Variants in MYH10 observed in about 807,000 individuals in gnomAD.
MYH10 encodes the protein myosin heavy chain 10, also known as myosin-10.
MYH10 carries 55 observed loss-of-function variants against 257.8 expected under a neutral mutation model. The ratio of observed to expected loss-of-function variants is 0.21; its 90% CI spans 0.17 to 0.27. MYH10 has a LOEUF of 0.27. MYH10 is among the 10% of genes least tolerant of loss of function. The probability of loss-of-function intolerance (pLI) is 1.00; values close to 1 mark genes in which losing one functional copy is unlikely to be tolerated. For missense variants in MYH10, 1,631 were observed against 2,500.6 expected, an observed-to-expected ratio of 0.65 and a Z score of 7.42; for synonymous variants, 854 against 921.7, an observed-to-expected ratio of 0.93 and a Z score of 1.33.
intron 6 of MYH10, among the ~76,000 whole-genome samples, chr17:8,573,050 A>G (rs2083399377): frequency 6.6e-6 from 1 of 152,242 alleles, no homozygotes; most frequent in Non-Finnish European, 1.5e-5. Flanking sequence ...TTTGGAATGT[A>G]GAAAACAAGC....
At chr17:8,541,740 C>T (rs909575691) in intron 14 of MYH10, among the ~76,000 whole-genome samples, 18 of 152,098 alleles carry the variant, frequency 1.2e-4, no homozygotes, top group African/African-American at 2.2e-4. Flanking sequence ...AATGGATTTA[C>T]GTGACACGTC....
At chr17:8,586,921 A>G (rs1597901690) in intron 4 of MYH10, among the ~76,000 whole-genome samples, 1 of 152,188 alleles carries the variant, frequency 6.6e-6, no homozygotes, top group African/African-American at 2.4e-5. Flanking sequence ...TAATGGCTCC[A>G]ATTGTTTCAT....
Position 8,627,345 on chromosome 17 carries a change from C to A in MYH10, c.-32+3309G>T, listed in dbSNP as rs2085722479. ...TCAATATTTACGTGAATGGTCCCAA[C>A]CCTCATAGTGAAATTCAACTTCTCC... On this transcript the variant is annotated intron_variant, in intron 1 of 42. Transcript: ENST00000360416. Among the ~76,000 whole-genome samples, 6 of 152,116 alleles carry A rather than the reference C, an allele frequency of 3.9e-5. No individual in the cohort carries two copies. In the South Asian group the frequency reaches 1.0e-3, roughly 26 times the overall value.
At chr17:8,491,945 A>ATGTT (rs1419479382) in intron 34 of MYH10, among the ~76,000 whole-genome samples, 1 of 152,092 alleles carries the variant, frequency 6.6e-6, no homozygotes, top group Non-Finnish European at 1.5e-5. Context: ...CCAGGTCCCC[A>ATGTT]CTCACCTCAT....
chr17:8,617,449 C>A (rs1022647584), intron 2 of MYH10, among the ~76,000 whole-genome samples: 2 of 152,160 alleles, frequency 1.3e-5, no homozygotes, highest in Admixed American at 6.5e-5. Context: ...ATTTTTTAAA[C>A]CCTACCCACA....
At position 8,475,455 on chromosome 17, in the gene MYH10, C is replaced by T. The variant is rs1567755506; in HGVS notation, c.*349G>A. 4.7e-5 allele frequency: 10 copies of T among 212,560 alleles called. No individual in the cohort carries two copies. In the South Asian group the frequency reaches 7.4e-4, roughly 16 times the overall value. 13.2% of individuals were successfully genotyped at this position (212,560 alleles called of 1,614,324 possible). ...ATGCAGAGCGACTGAGTGACGACCA[C>T]GGCGCTGCCCCAATAACCCAGCGAC... On this transcript the variant is annotated 3_prime_UTR_variant, in exon 43 of 43. Coordinates refer to ENST00000360416, the MANE Select transcript of MYH10 (RefSeq NM_001256012.3).
chr17:8,477,132 G>A lies in MYH10; in HGVS notation c.5707-84C>T. The A allele has an allele frequency of 6.7e-7, 1 of 1,484,992 alleles. No individual in the cohort carries two copies. The highest frequency in any genetic ancestry group is 9.2e-7 in the Non-Finnish European group (1 of 1,081,578). 92.0% of individuals were successfully genotyped at this position (1,484,992 alleles called of 1,614,324 possible). A position where few individuals can be genotyped will look rare whatever the true frequency, so the allele number is the denominator to read the frequency against. Reference sequence around the variant, plus strand: ...CTGTACCCCGAGCGTGGCAGTGTGGGGCTCTGCCTGTTACCCTTGTGAGCA... The same window carrying A: ...CTGTACCCCGAGCGTGGCAGTGTGGAGCTCTGCCTGTTACCCTTGTGAGCA... On this transcript the variant is annotated intron_variant, in intron 41 of 42. Transcript: ENST00000360416. The surrounding 1 kb of genome is among the most constrained non-coding windows in gnomAD (Gnocchi z 4.2).
At chr17:8,492,654 C>G in intron 33 of MYH10, 122 bp downstream of exon 33, 5 of 1,047,174 alleles carry the variant, frequency 4.8e-6, no homozygotes, top group Non-Finnish European at 6.4e-6. Context: ...TTTTTGCTTT[C>G]CCTTTTTCCA....
chr17:8,626,511 G>A (rs769483973), intron 1 of MYH10, among the ~76,000 whole-genome samples: 3 of 150,980 alleles, frequency 2.0e-5, no homozygotes, highest in Non-Finnish European at 4.4e-5. Flanking sequence ...AGGTTGTAGT[G>A]AGCTGAAATC....
At chr17:8,608,540 G>GCAC (rs1434981902) in intron 2 of MYH10, among the ~76,000 whole-genome samples, 2 of 152,334 alleles carry the variant, frequency 1.3e-5, no homozygotes, top group African/African-American at 4.8e-5. Flanking sequence ...GTGGTATGGT[G>GCAC]GGTGAGCCAA....
Position 8,577,480 on chromosome 17 carries a change from T to C in MYH10, c.531-142A>G, listed in dbSNP as rs553119351. 8 of 487,316 alleles carry C rather than the reference T, an allele frequency of 1.6e-5. No individual in the cohort carries two copies. The Admixed American group carries it at 2.6e-4, about 16-fold the overall frequency. 30.2% of individuals were successfully genotyped at this position (487,316 alleles called of 1,614,324 possible). The stretch of plus-strand genomic sequence containing the variant: ...AAATAGAAAAAATAACTATCAGCAG[T>C]AGTTAGAAAAGAAAATCATCCTTGT... On this transcript the variant is annotated intron_variant, in intron 4 of 42. Transcript: ENST00000360416.
chr17:8,554,104 T>C, intron 7 of MYH10, 86 bp from the exon 8 acceptor site: 1 of 919,440 alleles, frequency 1.1e-6, no homozygotes, highest in Non-Finnish European at 1.7e-6. Context: ...ACAACAAGTA[T>C]CCATGAATTA....
chr17:8,610,566 T>A (rs1225816874), intron 2 of MYH10, among the ~76,000 whole-genome samples: 1 of 152,178 alleles, frequency 6.6e-6, no homozygotes, highest in Non-Finnish European at 1.5e-5. Context: ...AGTGCAACAA[T>A]GTTGGGAGGT....
chr17:8,552,225 TA>T lies in MYH10; in HGVS notation c.821-82del. ...GGCCCTCTTTCAGCGTCTGTAAATT[TA>T]AATCATAAAACATCTTCTTTCTCTG... On this transcript the variant is annotated intron_variant, in intron 8 of 42. Transcript: ENST00000360416. The surrounding 1 kb of genome is among the most constrained non-coding windows in gnomAD (Gnocchi z 4.8). 1 of 596,918 alleles carries T rather than the reference TA, an allele frequency of 1.7e-6. No homozygotes were observed. Among genetic ancestry groups the T allele is most frequent in the South Asian group, 4.8e-5 (1 of 20,746 alleles). 37.0% of individuals were successfully genotyped at this position (596,918 alleles called of 1,614,324 possible).
At chr17:8,531,276 T>C (rs2081996822) in intron 16 of MYH10, among the ~76,000 whole-genome samples, 2 of 152,168 alleles carry the variant, frequency 1.3e-5, no homozygotes, top group Non-Finnish European at 2.9e-5. Context: ...ATAAGCGAGA[T>C]TATACTTATT....
rs755219697 is a variant in MYH10 at position 8,480,289 on chromosome 17, G to A, written c.5418C>T (p.Ala1806=). The change falls in exon 40 of 43, where the codon GCC becomes GCT. Residue 1806 remains alanine, a synonymous_variant. Transcript: ENST00000360416. ...QVDTLNAELA[A]ERSAAQKSDN... is the part of the protein sequence containing the mutation. ...CACTCTTCTGGGCGGCGCTGCGCTC[G>A]GCTGCTAGCTCGGCGTTCAGTGTGT... is the stretch of plus-strand genomic sequence containing the variant. 1.1e-5 allele frequency: 17 copies of A among 1,614,062 alleles called. No homozygotes were observed. Among genetic ancestry groups the A allele is most frequent in the African/African-American group, 2.7e-5 (2 of 75,040 alleles).
chr17:8,576,511 T>G, intron 6 of MYH10, 132 bp downstream of exon 6: 1 of 875,070 alleles, frequency 1.1e-6, no homozygotes, highest in Admixed American at 2.6e-5. Context: ...AGCAATAAAT[T>G]TTCAAAATTA....
intron 14 of MYH10, 84 bp downstream of exon 14, chr17:8,542,023 G>A: frequency 7.6e-7 from 1 of 1,324,170 alleles, no homozygotes; most frequent in Non-Finnish European, 1.0e-6. Context: ...TGAACAGACT[G>A]GGTAATTTCT....
intron 4 of MYH10, among the ~76,000 whole-genome samples, chr17:8,586,339 C>G (rs1228819731): frequency 1.3e-5 from 2 of 152,072 alleles, no homozygotes; most frequent in Non-Finnish European, 2.9e-5. Flanking sequence ...CTTGCAGGTC[C>G]CCTGAACCCA....
Sources: allele counts gnomAD v4.1 joint callset (sites outside exome capture counted in the v4.1 genomes callset), GRCh38; gene constraint gnomAD v4.1.1; non-coding constraint Gnocchi (gnomAD v3.1); transcripts MANE v1.5; gene names NCBI Gene and HGNC (gene_info 2026-07-23, HGNC 2026-07-21).